Variants in ZNF248 observed in about 807,000 individuals in gnomAD.
ZNF248 encodes zinc finger protein 248.
Under a neutral mutation model 44.3 loss-of-function variants are expected in ZNF248, and 20 were observed. The ratio of observed to expected loss-of-function variants is 0.45; its 90% CI spans 0.32 to 0.66. The LOEUF (loss-of-function observed/expected upper bound fraction) is 0.66, where lower values mean the gene tolerates loss of function less well. Ranked by LOEUF, ZNF248 falls within the 30% of genes least tolerant of loss-of-function variation. The pLI, the probability that ZNF248 is intolerant of heterozygous loss-of-function variation, is 0.04. For missense variants in ZNF248, 654 were observed against 677.0 expected (o/e 0.97, Z 0.38); for synonymous variants, 224 against 229.0 (o/e 0.98, Z 0.20).
intron 6 of ZNF248, chr10:37,820,250 T>C (rs113671845): frequency 4.4e-6 from 6 of 1,358,812 alleles, no homozygotes; most frequent in Non-Finnish European, 6.3e-6. Flanking sequence ...AGATCTGTTT[T>C]TGGGAGCTGC....
At position 37,831,901 on chromosome 10, in the gene ZNF248, G is replaced by T; in HGVS notation, c.1454C>A (p.Thr485Lys). ...TATAAACGGTTTCTCCCCTGTGTGT[G>T]TTCTCTGATGCACAGTGAGGGCTGA... The part of the protein sequence containing the change: ...HRSALTVHQR[T>K]HTGEKPFICN... Residue 485 changes from threonine (T) to lysine (K), a missense_variant, in exon 6 of 6, where the codon ACA becomes AAA. By Grantham distance (78) the Thr-to-Lys change is moderately conservative (BLOSUM62 -1). Coordinates refer to ENST00000395867, the MANE Select transcript of ZNF248 (RefSeq NM_021045.3). 1 of 1,613,770 alleles carries T rather than the reference G, an allele frequency of 6.2e-7. No homozygotes were observed. The highest frequency in any genetic ancestry group is 1.1e-5 in the South Asian group (1 of 91,076).
the ZNF248 span, among the ~76,000 whole-genome samples, chr10:37,762,842 T>C: frequency 6.6e-6 from 1 of 152,198 alleles, no homozygotes. Flanking sequence ...GATAGTACAA[T>C]GAGCATTACC....
chr10:37,812,926 T>C lies in ZNF248; in HGVS notation c.330+20099A>G, dbSNP rs367767046. ...ATTGACCCCAAAACAATAAATTCCT[T>C]CTGGAGAAAACTATATCCGGATGTT... On this transcript the variant is annotated intron_variant, in intron 6 of 6. Transcript: ENST00000615949. 2.0e-5 allele frequency among the ~76,000 whole-genome samples: 3 copies of C among 151,648 alleles called. No individual in the cohort carries two copies. The East Asian group carries it at 5.8e-4, about 29-fold the overall frequency.
intron 6 of ZNF248, among the ~76,000 whole-genome samples, chr10:37,800,755 C>A (rs2049708588): frequency 6.7e-6 from 1 of 149,886 alleles, no homozygotes. Context: ...AAACATTAAA[C>A]AACATTTTTT....
At chr10:37,822,736 C>T (rs761973745) in intron 6 of ZNF248, among the ~76,000 whole-genome samples, 1 of 151,910 alleles carries the variant, frequency 6.6e-6, no homozygotes, top group South Asian at 2.1e-4. Context: ...TTAACACTAA[C>T]GATAGGTGAT....
intron 6 of ZNF248, among the ~76,000 whole-genome samples, chr10:37,779,199 G>A (rs111491904): frequency 6.6e-6 from 1 of 152,142 alleles, no homozygotes; most frequent in African/African-American, 2.4e-5. Flanking sequence ...AAGCCAGGCA[G>A]AGACACAACA....
intron 6 of ZNF248, among the ~76,000 whole-genome samples, chr10:37,791,380 T>C (rs2048535061): frequency 6.6e-6 from 1 of 152,130 alleles, no homozygotes; most frequent in Non-Finnish European, 1.5e-5. Flanking sequence ...TGGTCATTTA[T>C]TATGCTAGAT....
At chr10:37,817,800 T>A (rs1214966633) in intron 6 of ZNF248, among the ~76,000 whole-genome samples, 1 of 152,226 alleles carries the variant, frequency 6.6e-6, no homozygotes, top group African/African-American at 2.4e-5. Context: ...CATCCCCAGC[T>A]GAGCCTTTGT....
In ZNF248 at chr10:37,830,976, C is replaced by T; in HGVS notation, c.*639G>A. On this transcript the variant is annotated 3_prime_UTR_variant, in exon 6 of 6. Coordinates refer to ENST00000395867, the MANE Select transcript of ZNF248 (RefSeq NM_021045.3). ...AATTTAACAATCAGAACTTTTAAGTCAGTATGAGGTTATACTAGCACATCA... is the reference window on the plus strand; with the variant it reads ...AATTTAACAATCAGAACTTTTAAGTTAGTATGAGGTTATACTAGCACATCA... 3.5e-6 allele frequency: 2 copies of T among 567,418 alleles called. No individual in the cohort carries two copies. The highest frequency in any genetic ancestry group is 4.7e-6 in the Non-Finnish European group (2 of 429,586). 35.1% of individuals were successfully genotyped at this position (567,418 alleles called of 1,614,324 possible).
intron 6 of ZNF248, among the ~76,000 whole-genome samples, chr10:37,789,766 T>C (rs2048289791): frequency 6.6e-6 from 1 of 152,166 alleles, no homozygotes; most frequent in African/African-American, 2.4e-5. Flanking sequence ...CCTGTATTCA[T>C]CTCTTTACAG....
intron 5 of ZNF248, among the ~76,000 whole-genome samples, chr10:37,836,255 A>C (rs569233922): frequency 4.1e-4 from 62 of 152,288 alleles, no homozygotes; most frequent in Non-Finnish European, 4.0e-4. Context: ...CACCCACCAC[A>C]GTATATACAC....
chr10:37,837,965 T>C lies in ZNF248; in HGVS notation c.142+20A>G. On this transcript the variant is annotated intron_variant, in intron 4 of 5. Coordinates refer to ENST00000395867, the MANE Select transcript of ZNF248 (RefSeq NM_021045.3). Reference sequence around the variant, plus strand: ...TAAATGCATGCTATTGATAGCCATGTGCGGAAAAAAACTCCTTACCTACTG... The same window carrying C: ...TAAATGCATGCTATTGATAGCCATGCGCGGAAAAAAACTCCTTACCTACTG... 3 of 1,610,698 alleles carry C rather than the reference T, an allele frequency of 1.9e-6. No individual in the cohort carries two copies. The highest frequency in any genetic ancestry group is 2.5e-6 in the Non-Finnish European group (3 of 1,178,160).
chr10:37,810,280 C>T (rs2051283386), intron 6 of ZNF248, among the ~76,000 whole-genome samples: 1 of 152,124 alleles, frequency 6.6e-6, no homozygotes, highest in Non-Finnish European at 1.5e-5. Context: ...TTGAAGTTTC[C>T]AACTATTATA....
At chr10:37,773,606 T>C (rs1402945609), downstream of ZNF248, among the ~76,000 whole-genome samples, 1 of 152,182 alleles carries the variant, frequency 6.6e-6, no homozygotes, top group African/African-American at 2.4e-5. Flanking sequence ...ATGCTCCTAG[T>C]GTCAGAACAG....
chr10:37,777,624 C>T (rs1462802643), intron 6 of ZNF248, among the ~76,000 whole-genome samples: 20 of 149,572 alleles, frequency 1.3e-4, no homozygotes, highest in South Asian at 6.4e-4. Flanking sequence ...CATGCTGGTG[C>T]GCTGCACCCA....
intron 3 of ZNF248, among the ~76,000 whole-genome samples, chr10:37,854,341 CAT>C (rs1379793548): frequency 1.3e-5 from 2 of 152,056 alleles, no homozygotes; most frequent in African/African-American, 4.8e-5. Context: ...GCTTGCAACT[CAT>C]ATAATACACA....
downstream of ZNF248, among the ~76,000 whole-genome samples, chr10:37,826,704 T>C (rs1336376167): frequency 6.6e-6 from 1 of 152,242 alleles, no homozygotes; most frequent in Non-Finnish European, 1.5e-5. Flanking sequence ...GATGAGCTGA[T>C]ACTACTATTT....
chr10:37,764,789 G>A, the ZNF248 span, among the ~76,000 whole-genome samples: 55 of 152,158 alleles, frequency 3.6e-4, no homozygotes, highest in East Asian at 0.011. Context: ...GTTAATATAG[G>A]ATGTTTACTA....
intron 3 of ZNF248, among the ~76,000 whole-genome samples, chr10:37,842,723 G>A (rs898936053): frequency 4.6e-5 from 7 of 152,162 alleles, no homozygotes; most frequent in South Asian, 4.1e-4. Context: ...ATCTGCAGTC[G>A]TCTGCAGCAG....
Sources: allele counts gnomAD v4.1 joint callset (sites outside exome capture counted in the v4.1 genomes callset), GRCh38; gene constraint gnomAD v4.1.1; transcripts MANE v1.5; gene names NCBI Gene and HGNC (gene_info 2026-07-23, HGNC 2026-07-21).